PFKM: variants seen among roughly 807,000 people sequenced by gnomAD.
PFKM encodes phosphofructokinase, muscle, also known as ATP-dependent 6-phosphofructokinase, muscle type.
A neutral mutation model predicts 95.5 loss-of-function variants in PFKM; 58 were observed. The observed-to-expected ratio is 0.61, with a 90% CI of 0.49 to 0.76. The LOEUF is 0.76. Ranked by LOEUF, PFKM falls within the 30% of genes least tolerant of loss-of-function variation. The pLI, the probability that PFKM is intolerant of heterozygous loss-of-function variation, is 0.00. For missense variants in PFKM, 678 were observed against 1,005.4 expected, an observed-to-expected ratio of 0.67 and a Z score of 4.40; for synonymous variants, 336 against 357.2, an observed-to-expected ratio of 0.94 and a Z score of 0.67.
chr12:48,124,390 T>C (rs193145176), intron 2 of PFKM, among the ~76,000 whole-genome samples: 19 of 152,268 alleles, frequency 1.2e-4, no homozygotes, highest in African/African-American at 3.9e-4. Context: ...CCTGAAACCT[T>C]GGTAGAATGA....
Position 48,145,751 on chromosome 12 carries a change from G to C in PFKM, c.*43G>C, listed in dbSNP as rs765055747. The stretch of plus-strand genomic sequence containing the variant: ...GGAATAGATTACCTGATCATGGTCA[G>C]CTCACACCCTAATAAGTCCACATCT... On this transcript the variant is annotated 3_prime_UTR_variant, in exon 23 of 23. Coordinates refer to ENST00000359794, the MANE Select transcript of PFKM (RefSeq NM_000289.6). This position sits in a 1 kb window ranked among gnomAD's most constrained non-coding sequence, Gnocchi z 4.3. The C allele has an allele frequency of 2.5e-6, 4 of 1,596,524 alleles. No homozygotes were observed. In the African/African-American group the frequency reaches 5.4e-5, roughly 21 times the overall value.
At chr12:48,142,674 G>A in intron 17 of PFKM, 108 bp from the exon 18 acceptor site, 1 of 1,093,530 alleles carries the variant, frequency 9.1e-7, no homozygotes, top group Non-Finnish European at 1.4e-6. Context: ...GGCCCTGCTA[G>A]CCTATGGAGA....
At chr12:48,144,318 A>T (rs768421315) in intron 20 of PFKM, among the ~76,000 whole-genome samples, 161 bp downstream of exon 20, 16 of 152,198 alleles carry the variant, frequency 1.1e-4, no homozygotes, top group Non-Finnish European at 2.4e-4. Flanking sequence ...TTACAGTCAT[A>T]GAATCAAAAC....
intron 1 of PFKM, among the ~76,000 whole-genome samples, chr12:48,121,575 G>A (rs890014178): frequency 6.6e-6 from 1 of 152,160 alleles, no homozygotes; most frequent in Non-Finnish European, 1.5e-5. Flanking sequence ...TCCAAATGCA[G>A]GGTAGAAGCA....
At position 48,139,394 on chromosome 12, in the gene PFKM, G is replaced by A. The variant is rs539959647; in HGVS notation, c.1127+45G>A. The A allele has an allele frequency of 7.4e-6, 11 of 1,486,556 alleles. No individual in the cohort carries two copies. The highest frequency in any genetic ancestry group is 2.3e-5 in the East Asian group (1 of 44,234). 92.1% of individuals were successfully genotyped at this position (1,486,556 alleles called of 1,614,324 possible). Reference sequence around the variant, plus strand: ...CTCACTAGCTACAGAAATCAGAGGCGTGAACGAAGCCAAAGATCTCCATGG... The same window carrying A: ...CTCACTAGCTACAGAAATCAGAGGCATGAACGAAGCCAAAGATCTCCATGG... On this transcript the variant is annotated intron_variant, in intron 12 of 22. Transcript: ENST00000359794.
chr12:48,137,172 C>T (rs1200324881), intron 10 of PFKM, among the ~76,000 whole-genome samples: 2 of 151,278 alleles, frequency 1.3e-5, no homozygotes, highest in African/African-American at 2.4e-5. Context: ...AGGGATTCTT[C>T]TACCTCAGCC....
rs557198408 is a variant in PFKM, at chr12:48,144,972, A to G, written c.1993-59A>G. On this transcript the variant is annotated intron_variant, in intron 20 of 22. Coordinates refer to ENST00000359794, the MANE Select transcript of PFKM (RefSeq NM_000289.6). ...TTTCTTTTTTTCTCTGTGTGTCTAG[A>G]TATCTCTGCCACTTCATTAGAGTCC... The G allele has an allele frequency of 3.5e-5, 41 of 1,182,442 alleles. No individual in the cohort carries two copies. The African/African-American group carries it at 5.7e-4, about 16-fold the overall frequency. The allele number at this position is 1,182,442 out of a possible 1,614,324, so 73.2% of individuals were successfully genotyped here. A position where few individuals can be genotyped will look rare whatever the true frequency, so the allele number is the denominator to read the frequency against.
chr12:48,138,011 A>C (rs982738422), intron 11 of PFKM, among the ~76,000 whole-genome samples, 165 bp downstream of exon 11: 1 of 152,152 alleles, frequency 6.6e-6, no homozygotes, highest in Admixed American at 6.5e-5. Flanking sequence ...TTTGCATAGG[A>C]GCTCTTAACT....
At chr12:48,140,187 C>T (rs1053742696) in intron 13 of PFKM, among the ~76,000 whole-genome samples, 3 of 152,204 alleles carry the variant, frequency 2.0e-5, no homozygotes, top group African/African-American at 4.8e-5. Flanking sequence ...GGAAAGAGGG[C>T]TTATGTACTT....
At chr12:48,125,564 T>A (rs1380069773) in intron 2 of PFKM, 1 of 253,186 alleles carries the variant, frequency 3.9e-6, no homozygotes, top group East Asian at 1.5e-4. Context: ...GAGGTTGCGG[T>A]GAGTCGAGAT....
intron 2 of PFKM, among the ~76,000 whole-genome samples, chr12:48,107,919 C>T: frequency 6.6e-6 from 1 of 152,058 alleles, no homozygotes; most frequent in East Asian, 1.9e-4. Context: ...GGAATAGAAT[C>T]TTTTTGAGGT....
intron 12 of PFKM, 35 bp from the exon 13 acceptor site, chr12:48,139,814 C>T: frequency 6.9e-7 from 1 of 1,441,082 alleles, no homozygotes; most frequent in Non-Finnish European, 9.8e-7. Flanking sequence ...GGGGAATGGC[C>T]TGAAGACACC....
At chr12:48,114,383 C>A (rs892248712), upstream of PFKM, among the ~76,000 whole-genome samples, 3 of 152,174 alleles carry the variant, frequency 2.0e-5, no homozygotes, top group African/African-American at 4.8e-5. Flanking sequence ...CAGCTCCAGC[C>A]ACCTCTCTAA....
upstream of PFKM, chr12:48,105,891 G>A (rs770317826): frequency 2.1e-4 from 130 of 619,600 alleles, no homozygotes; most frequent in Non-Finnish European, 3.2e-4. Flanking sequence ...GGGCGGGGCA[G>A]AGGAAAAGGC....
rs1950624843 is a variant in PFKM at position 48,142,081 on chromosome 12, C to G, written c.1653+15C>G. ...CTATCTGCACAGTGAGAGCCTATCA[C>G]CACTTCCCATCCCTTTTGGCCAGGA... On this transcript the variant is annotated intron_variant, in intron 17 of 22. Transcript: ENST00000359794. 6.2e-7 allele frequency: 1 copy of G among 1,612,892 alleles called. No homozygotes were observed. The highest frequency in any genetic ancestry group is 1.3e-5 in the African/African-American group (1 of 74,896).
At chr12:48,113,320 C>T (rs963174046) in intron 3 of PFKM, among the ~76,000 whole-genome samples, 20 of 152,192 alleles carry the variant, frequency 1.3e-4, no homozygotes, top group Admixed American at 4.6e-4. Flanking sequence ...CGGACTTACC[C>T]TCCACTGTAA....
chr12:48,122,994 A>T, intron 2 of PFKM, 135 bp downstream of exon 2: 1 of 728,516 alleles, frequency 1.4e-6, no homozygotes, highest in Non-Finnish European at 2.4e-6. Context: ...TGTGAGGCCT[A>T]AGTCCTCAAG....
chr12:48,141,260 G>A, intron 14 of PFKM, 51 bp from the exon 15 acceptor site: 1 of 1,534,730 alleles, frequency 6.5e-7, no homozygotes, highest in Non-Finnish European at 9.0e-7. Context: ...GTCCCACACA[G>A]GCCTCCTAGT....
chr12:48,114,096 C>T (rs1947457751), intron 3 of PFKM, among the ~76,000 whole-genome samples: 1 of 152,156 alleles, frequency 6.6e-6, no homozygotes, highest in African/African-American at 2.4e-5. Context: ...TGGGGATCGC[C>T]TCAGGGAACT....
Sources: gnomAD v4.1 joint callset for allele counts (sites outside exome capture counted in the v4.1 genomes callset) on GRCh38, gnomAD v4.1.1 for gene constraint, Gnocchi (gnomAD v3.1) non-coding constraint, MANE v1.5 for transcripts, NCBI Gene and HGNC (gene_info 2026-07-23, HGNC 2026-07-21) for gene names.